Variants in FOXP2 observed in about 807,000 individuals in gnomAD.
FOXP2 encodes forkhead box protein P2.
Under a neutral mutation model 115.8 loss-of-function variants are expected in FOXP2, and 12 were observed. The observed-to-expected ratio is 0.10, with a 90% CI of 0.07 to 0.17. The LOEUF (loss-of-function observed/expected upper bound fraction) is 0.17. Ranked by LOEUF, FOXP2 falls within the 10% of genes least tolerant of loss-of-function variation. The pLI, the probability that FOXP2 is intolerant of heterozygous loss-of-function variation, is 1.00. For synonymous variants in FOXP2, 328 were observed against 297.7 expected (o/e 1.10, Z -1.05); for missense variants, 629 against 843.5 (o/e 0.75, Z 3.15).
chr7:114,170,195 T>G (rs778673242), intron 1 of FOXP2, among the ~76,000 whole-genome samples: 7 of 152,232 alleles, frequency 4.6e-5, no homozygotes, highest in African/African-American at 7.2e-5. Flanking sequence ...ATCATTGATG[T>G]TACTATTATA....
intron 2 of FOXP2, among the ~76,000 whole-genome samples, chr7:114,462,667 G>C (rs1170584825): frequency 2.0e-5 from 3 of 152,012 alleles, no homozygotes; most frequent in Non-Finnish European, 4.4e-5. Context: ...CACCGCGCCC[G>C]GCTTCTCAGC....
intron 16 of FOXP2, among the ~76,000 whole-genome samples, chr7:114,685,197 T>G (rs1031588469): frequency 4.6e-5 from 7 of 152,194 alleles, no homozygotes; most frequent in African/African-American, 1.7e-4. Flanking sequence ...AAATTGGCTA[T>G]GGAACATTTC....
rs112572915 is a variant in FOXP2 at position 114,402,215 on chromosome 7, C to T, written c.-10-24287C>T. Among the ~76,000 whole-genome samples the T allele has an allele frequency of 3.3e-4, 51 of 152,268 alleles. 1 individual carries two copies. Among genetic ancestry groups the T allele is most frequent in the African/African-American group, 1.2e-3 (49 of 41,560 alleles). On this transcript the variant is annotated intron_variant, in intron 2 of 17. Transcript: ENST00000634411. ...TAGAGATGAAGGCCCTCTCTATCAT[C>T]ATTTCTTGAGGAAAGACCTAATTGA...
At chr7:114,155,605 G>A (rs1368372671) in intron 1 of FOXP2, among the ~76,000 whole-genome samples, 1 of 152,070 alleles carries the variant, frequency 6.6e-6, no homozygotes, top group Non-Finnish European at 1.5e-5. Flanking sequence ...TTTTAGGTCT[G>A]ATAATGTTAG....
Position 114,683,664 on chromosome 7 carries a change from A to G in FOXP2, c.2004-6118A>G, listed in dbSNP as rs139252685. Among the ~76,000 whole-genome samples, 260 of 152,282 alleles carry G rather than the reference A, an allele frequency of 1.7e-3. 2 individuals are homozygous for G. The East Asian group carries it at 0.028, about 17-fold the overall frequency. ...AGTTGATCCTTAAGTGGTAGACAGG[A>G]TGTGTGTGAATAGGCAGAACAGGGT... On this transcript the variant is annotated intron_variant, in intron 16 of 16. Transcript: ENST00000350908.
In FOXP2 at chr7:114,653,170, A is replaced by G. The variant is rs1806372058; in HGVS notation, c.1183-756A>G. 3.3e-5 allele frequency among the ~76,000 whole-genome samples: 5 copies of G among 152,302 alleles called. No homozygotes were observed. In the South Asian group the frequency reaches 1.0e-3, roughly 32 times the overall value. ...ATATTTTGTTTTGACTTGTAAAATA[A>G]TCAAGAACACAAAAAGCACCATCAC... On this transcript the variant is annotated intron_variant, in intron 9 of 16. Coordinates refer to ENST00000350908, the MANE Select transcript of FOXP2 (RefSeq NM_014491.4).
chr7:114,369,656 T>C (rs551454522), intron 2 of FOXP2, among the ~76,000 whole-genome samples: 1 of 152,314 alleles, frequency 6.6e-6, no homozygotes, highest in Non-Finnish European at 1.5e-5. Flanking sequence ...AGCTACATTA[T>C]ATCAAAAACA....
intron 1 of FOXP2, among the ~76,000 whole-genome samples, chr7:114,251,848 AG>A (rs1486873447): frequency 1.3e-5 from 2 of 152,146 alleles, no homozygotes; most frequent in African/African-American, 4.8e-5. Flanking sequence ...GTGGTGAGAG[AG>A]GGCTTCCCTG....
chr7:114,451,125 A>G (rs1044305832), intron 2 of FOXP2, among the ~76,000 whole-genome samples: 1 of 152,088 alleles, frequency 6.6e-6, no homozygotes, highest in Non-Finnish European at 1.5e-5. Context: ...ATTGGAAAAC[A>G]TTAATAATCA....
intron 2 of FOXP2, among the ~76,000 whole-genome samples, chr7:114,400,548 A>T (rs1792861460): frequency 6.6e-6 from 1 of 152,158 alleles, no homozygotes; most frequent in South Asian, 2.1e-4. Context: ...AGCGGTCCCC[A>T]ATCTTTTTGG....
Position 114,628,642 on chromosome 7 carries a change from C to T in FOXP2, c.361C>T (p.Leu121Phe), listed in dbSNP as rs1403341767. 3 of 1,614,066 alleles carry T rather than the reference C, an allele frequency of 1.9e-6. No individual in the cohort carries two copies. The highest frequency in any genetic ancestry group is 2.2e-5 in the South Asian group (2 of 91,076). ...QVLSPQQLQA[L>F]LQQQQAVMLQ... ...CCTGTCTCCTCAGCAGCTACAAGCC[C>T]TTCTCCAACAACAGCAGGCTGTCAT... Residue 121 changes from leucine to phenylalanine, a missense_variant, in exon 4 of 17, where the codon CTT (leucine) becomes TTT (phenylalanine). Coordinates refer to ENST00000350908, the MANE Select transcript of FOXP2 (RefSeq NM_014491.4).
At chr7:114,265,526 G>C (rs184668450) in intron 1 of FOXP2, among the ~76,000 whole-genome samples, 1 of 152,278 alleles carries the variant, frequency 6.6e-6, no homozygotes, top group Non-Finnish European at 1.5e-5. Flanking sequence ...CCAGGCAAAG[G>C]GCGTAAGCTG....
At chr7:114,415,563 G>C (rs1293427014) in intron 1 of FOXP2, among the ~76,000 whole-genome samples, 1 of 151,664 alleles carries the variant, frequency 6.6e-6, no homozygotes, top group Admixed American at 6.6e-5. Flanking sequence ...TGATCTGTCA[G>C]TAGCGTAATG....
At chr7:114,222,138 G>A (rs1217076244) in intron 1 of FOXP2, among the ~76,000 whole-genome samples, 1 of 152,126 alleles carries the variant, frequency 6.6e-6, no homozygotes, top group Non-Finnish European at 1.5e-5. Flanking sequence ...CCTGAATGTT[G>A]TTTCTGATAC....
chr7:114,541,506 G>T (rs1018344601), intron 3 of FOXP2, among the ~76,000 whole-genome samples: 25 of 152,056 alleles, frequency 1.6e-4, no homozygotes, highest in African/African-American at 5.8e-4. Context: ...CTGTTTAGTT[G>T]ATTGCAACAC....
upstream of FOXP2, among the ~76,000 whole-genome samples, chr7:114,412,003 A>G (rs1304587648): frequency 6.6e-6 from 1 of 152,152 alleles, no homozygotes; most frequent in Non-Finnish European, 1.5e-5. Flanking sequence ...GCTTGTTTTG[A>G]ACAAACTCAG....
At chr7:114,188,238 C>T (rs994506607) in intron 1 of FOXP2, among the ~76,000 whole-genome samples, 11 of 152,186 alleles carry the variant, frequency 7.2e-5, no homozygotes, top group Non-Finnish European at 1.5e-4. Flanking sequence ...GAATAAAATA[C>T]GAACATCTTA....
intron 1 of FOXP2, among the ~76,000 whole-genome samples, chr7:114,088,748 A>G (rs956068550): frequency 1.3e-5 from 2 of 152,240 alleles, no homozygotes; most frequent in East Asian, 3.8e-4. Flanking sequence ...TTCTGTCACT[A>G]TGAGTTATGG....
intron 2 of FOXP2, chr7:114,297,048 A>C (rs1796755710): frequency 2.7e-6 from 1 of 367,442 alleles, no homozygotes; most frequent in Non-Finnish European, 5.3e-6. Flanking sequence ...TATATCCACT[A>C]TATGCATTTT....
Sources: gnomAD v4.1 joint callset for allele counts (sites outside exome capture counted in the v4.1 genomes callset) on GRCh38, gnomAD v4.1.1 for gene constraint, MANE v1.5 for transcripts, NCBI Gene and HGNC (gene_info 2026-07-23, HGNC 2026-07-21) for gene names.